The following PITPNB variants were observed in gnomAD, a reference collection of about 807,000 sequenced individuals.
The protein encoded by PITPNB is phosphatidylinositol transfer protein beta.
PITPNB carries 16 observed loss-of-function variants against 45.9 expected under a neutral mutation model. The observed-to-expected ratio is 0.35, with a 90% CI of 0.24 to 0.53. The LOEUF is 0.53. Ranked by LOEUF, PITPNB falls within the 20% of genes least tolerant of loss-of-function variation. The pLI is 0.93. For synonymous variants in PITPNB, 112 were observed against 108.9 expected (o/e 1.03, Z -0.18); for missense variants, 188 against 330.5 (o/e 0.57, Z 3.34).
chr22:27,918,400 G>T (rs892467564), intron 1 of PITPNB, among the ~76,000 whole-genome samples: 6 of 152,196 alleles, frequency 3.9e-5, no homozygotes, highest in African/African-American at 1.4e-4. Flanking sequence ...AACATTCAGA[G>T]GCAAGCAGAT....
intron 7 of PITPNB, among the ~76,000 whole-genome samples, chr22:27,891,711 G>A (rs902741406): frequency 2.1e-4 from 32 of 152,036 alleles, no homozygotes; most frequent in East Asian, 7.7e-4. Flanking sequence ...CATGTAAAAC[G>A]TGCCTGATTC....
intron 7 of PITPNB, among the ~76,000 whole-genome samples, chr22:27,880,463 C>A (rs1187126317): frequency 6.6e-6 from 1 of 152,068 alleles, no homozygotes; most frequent in African/African-American, 2.4e-5. Context: ...AATTTTATCC[C>A]CCACCCAAGG....
chr22:27,892,094 C>T (rs902048169), intron 7 of PITPNB, among the ~76,000 whole-genome samples: 10 of 152,168 alleles, frequency 6.6e-5, no homozygotes, highest in African/African-American at 2.4e-4. Context: ...CTATCCACCC[C>T]AAACATCACC....
At chr22:27,880,406 C>T (rs1934935604) in intron 7 of PITPNB, among the ~76,000 whole-genome samples, 1 of 152,126 alleles carries the variant, frequency 6.6e-6, no homozygotes, top group East Asian at 1.9e-4. Flanking sequence ...TATTTCTTTA[C>T]AAATATCTGC....
intron 7 of PITPNB, among the ~76,000 whole-genome samples, chr22:27,883,472 T>C (rs1935031747): frequency 6.6e-6 from 1 of 152,208 alleles, no homozygotes; most frequent in Non-Finnish European, 1.5e-5. Flanking sequence ...ATTAATAATG[T>C]ATACTAGAAT....
At chr22:27,853,916 A>G (rs1412115523) in intron 11 of PITPNB, among the ~76,000 whole-genome samples, 1 of 148,100 alleles carries the variant, frequency 6.8e-6, no homozygotes, top group African/African-American at 2.5e-5. Context: ...AGAGTTTAAC[A>G]AAAGTAACAA....
At chr22:27,881,020 T>G (rs961870696) in intron 7 of PITPNB, among the ~76,000 whole-genome samples, 4 of 152,246 alleles carry the variant, frequency 2.6e-5, no homozygotes, top group African/African-American at 4.8e-5. Flanking sequence ...CCTTCGAATA[T>G]AGTGGACATT....
Position 27,860,237 on chromosome 22 carries a change from T to A in PITPNB, c.539A>T (p.Glu180Val). Reference protein sequence around the residue: ...RGPLGPNWKKELANSPDCPQM... With the variant: ...RGPLGPNWKKVLANSPDCPQM... ...GGGACAGTCAGGGCTGTTTGCCAGC[T>A]CCTTCTAGATGAGAAAAATTGAAAA... The change falls in exon 9 of 12, where the codon GAG becomes GTG. Residue 180 changes from glutamate (E) to valine (V), a missense_variant. Physicochemically the swap from Glu to Val is moderately radical, Grantham distance 121. Coordinates refer to ENST00000335272, the MANE Select transcript of PITPNB (RefSeq NM_012399.5). 6.3e-7 allele frequency: 1 copy of A among 1,591,734 alleles called. No individual in the cohort carries two copies. Among genetic ancestry groups the A allele is most frequent in the Non-Finnish European group, 8.6e-7 (1 of 1,165,292 alleles).
At chr22:27,867,321 G>A (rs532754933) in intron 8 of PITPNB, among the ~76,000 whole-genome samples, 1 of 152,284 alleles carries the variant, frequency 6.6e-6, no homozygotes, top group East Asian at 1.9e-4. Context: ...TGGGAGCCAT[G>A]AGAAGGTCAT....
At chr22:27,867,541 T>A (rs1372136626) in intron 8 of PITPNB, among the ~76,000 whole-genome samples, 1 of 152,240 alleles carries the variant, frequency 6.6e-6, no homozygotes, top group South Asian at 2.1e-4. Flanking sequence ...ACATTTTCCA[T>A]GTTCCTCCAA....
chr22:27,853,935 A>T (rs1044370105), intron 11 of PITPNB, among the ~76,000 whole-genome samples: 40 of 149,130 alleles, frequency 2.7e-4, no homozygotes, highest in South Asian at 6.3e-4. Context: ...AATAACTTAA[A>T]TTTTTTTTTT....
intron 1 of PITPNB, 38 bp from the exon 2 acceptor site, chr22:27,914,385 G>C (rs762197927): frequency 5.4e-6 from 7 of 1,284,782 alleles, no homozygotes; most frequent in Non-Finnish European, 6.7e-6. Flanking sequence ...TATTACATAT[G>C]AAATAGCTTT....
At chr22:27,892,543 G>C (rs561629395) in intron 7 of PITPNB, among the ~76,000 whole-genome samples, 1 of 152,222 alleles carries the variant, frequency 6.6e-6, no homozygotes, top group South Asian at 2.1e-4. Flanking sequence ...ACTGCTGCTT[G>C]GTATTTTAGT....
At chr22:27,863,619 C>A (rs1934400211) in intron 8 of PITPNB, among the ~76,000 whole-genome samples, 1 of 152,174 alleles carries the variant, frequency 6.6e-6, no homozygotes, top group African/African-American at 2.4e-5. Flanking sequence ...AACTTCAAAT[C>A]ATTGGACACT....
intron 6 of PITPNB, among the ~76,000 whole-genome samples, chr22:27,896,315 G>C (rs1935429527): frequency 6.6e-6 from 1 of 152,168 alleles, no homozygotes; most frequent in South Asian, 2.1e-4. Flanking sequence ...TGCTCTCCTT[G>C]TCTCGGATAA....
chr22:27,864,291 T>C (rs937706464), intron 8 of PITPNB, among the ~76,000 whole-genome samples: 106 of 152,334 alleles, frequency 7.0e-4, no homozygotes, highest in Non-Finnish European at 1.2e-4. Context: ...GTTAAGAATA[T>C]GGCTTTGAAA....
At chr22:27,916,808 A>AT (rs1601436294) in intron 1 of PITPNB, among the ~76,000 whole-genome samples, 1 of 152,146 alleles carries the variant, frequency 6.6e-6, no homozygotes, top group African/African-American at 2.4e-5. Context: ...CAAAAAAAAA[A>AT]CATAAAAATA....
chr22:27,878,214 G>A (rs911867815), intron 7 of PITPNB, among the ~76,000 whole-genome samples: 3 of 152,080 alleles, frequency 2.0e-5, no homozygotes, highest in African/African-American at 7.2e-5. Flanking sequence ...TAAATATGAA[G>A]ATAAATAACA....
Position 27,853,543 on chromosome 22 carries a change from ATGTG to A in PITPNB, c.*155_*158del, listed in dbSNP as rs1490190408. 5.0e-5 allele frequency: 58 copies of A among 1,169,738 alleles called. No individual in the cohort carries two copies. The highest frequency in any genetic ancestry group is 7.0e-5 in the Non-Finnish European group (56 of 799,346). The allele number at this position is 1,169,738 out of a possible 1,614,324, so 72.5% of individuals were successfully genotyped here. Reference sequence around the variant, plus strand: ...TACACACGTGGTTGAGAACCTGTGCATGTGTGTGTATCATCACAAGCACACATCT... The same window carrying A: ...TACACACGTGGTTGAGAACCTGTGCATGTGTATCATCACAAGCACACATCT... On this transcript the variant is annotated 3_prime_UTR_variant, in exon 12 of 12. Coordinates refer to ENST00000335272, the MANE Select transcript of PITPNB (RefSeq NM_012399.5).
Sources: gnomAD v4.1 joint callset for allele counts (sites outside exome capture counted in the v4.1 genomes callset) on GRCh38, gnomAD v4.1.1 for gene constraint, MANE v1.5 for transcripts, NCBI Gene and HGNC (gene_info 2026-07-23, HGNC 2026-07-21) for gene names.